The following TTN variants were observed in gnomAD, a reference collection of about 807,000 sequenced individuals.
TTN encodes connectin.
A neutral mutation model predicts 3,223.0 loss-of-function variants in TTN; 1,525 were observed. The ratio of observed to expected loss-of-function variants is 0.47; its 90% CI spans 0.45 to 0.49. TTN has a LOEUF of 0.49. TTN is among the 20% of genes least tolerant of loss of function. The probability of loss-of-function intolerance (pLI) is 0.00; values close to 1 mark genes in which losing one functional copy is unlikely to be tolerated. For synonymous variants in TTN, 14,094 were observed against 15,161.0 expected, an observed-to-expected ratio of 0.93 and a Z score of 5.17; for missense variants, 40,786 against 43,424.0, an observed-to-expected ratio of 0.94 and a Z score of 5.40.
Position 178,588,122 on chromosome 2 carries a change from C to T in TTN, c.63285G>A (p.Pro21095=), listed in dbSNP as rs760168563. Residue 21095 remains proline, a synonymous_variant, in exon 305 of 363, where the codon CCG becomes CCA. Coordinates refer to ENST00000589042, the MANE Select transcript of TTN (RefSeq NM_001267550.2). ...WGKPVYDGGA[P]IIGYVVEMRP... is the part of the protein sequence containing the mutation. ...TCATTTCCACAACATATCCAATGAT[C>T]GGTGCACCACCATCATAGACTGGTT... The T allele has an allele frequency of 1.1e-5, 17 of 1,612,634 alleles. No individual in the cohort carries two copies. Among genetic ancestry groups the T allele is most frequent in the Middle Eastern group, 1.6e-4 (1 of 6,070 alleles).
chr2:178,599,661 C>T lies in TTN; in HGVS notation c.56240G>A (p.Cys18747Tyr), dbSNP rs2052747446. The change falls in exon 289 of 363, where the codon TGC (cysteine) becomes TAC (tyrosine). Residue 18747 changes from cysteine to tyrosine, a missense_variant. Coordinates refer to ENST00000589042, the MANE Select transcript of TTN (RefSeq NM_001267550.2). ...GCGAGACTGCGGAATAACTAAAGTGCAAGTATCATCTACCACCAGTTTGTT... is the reference window on the plus strand; with the variant it reads ...GCGAGACTGCGGAATAACTAAAGTGTAAGTATCATCTACCACCAGTTTGTT... The part of the protein sequence containing the change: ...HVNKLVVDDT[C>Y]TLVIPQSRRS... The T allele has an allele frequency of 1.6e-5, 26 of 1,612,946 alleles. No homozygotes were observed. The highest frequency in any genetic ancestry group is 2.2e-5 in the Non-Finnish European group (26 of 1,179,340).
At chr2:178,749,501 A>C in intron 47 of TTN, 2 of 1,612,860 alleles carry the variant, frequency 1.2e-6, no homozygotes, top group Non-Finnish European at 1.7e-6. Context: ...ATATTCTTTT[A>C]CATTTGTCCA....
chr2:178,765,545 T>C (rs532762382), intron 41 of TTN, among the ~76,000 whole-genome samples: 1 of 152,190 alleles, frequency 6.6e-6, no homozygotes, highest in Non-Finnish European at 1.5e-5. Context: ...AATACAGAGA[T>C]AATAAGAACT....
rs1296710770 is a variant in TTN, at chr2:178,580,061, G to A, written c.67226C>T (p.Ser22409Phe). The change falls in exon 318 of 363, where the codon TCC becomes TTC. Residue 22409 changes from serine to phenylalanine, a missense_variant. By Grantham distance (155) the Ser-to-Phe change is radical. Transcript: ENST00000589042. ...KSWSTVTTEC[S>F]KTSFRVANLE... ...ATTAGCTACTCTGAAGCTTGTTTTG[G>A]AGCACTCAGTTGTCACTGTAGACCA... is the stretch of plus-strand genomic sequence containing the variant. The A allele has an allele frequency of 3.1e-6, 5 of 1,613,254 alleles. No homozygotes were observed.
chr2:178,782,693 C>T, intron 18 of TTN, 91 bp from the exon 19 acceptor site: 2 of 1,604,102 alleles, frequency 1.2e-6, no homozygotes, highest in East Asian at 2.2e-5. Flanking sequence ...AATCTCCCCC[C>T]AAGTTCCAAA....
rs2082274843 is a variant in TTN at position 178,740,339 on chromosome 2, T to C, written c.12894A>G (p.Thr4298=). The C allele has an allele frequency of 6.2e-7, 1 of 1,613,636 alleles. No individual in the cohort carries two copies. The highest frequency in any genetic ancestry group is 1.7e-5 in the Admixed American group (1 of 59,974). Residue 4298 remains threonine, a synonymous_variant, in exon 48 of 363, where the codon ACA becomes ACG. Transcript: ENST00000589042. ...TTTCTATCAAAATTTTACCTCCTTC[T>C]GTGCATGAGTGTTCTGAAGGGACTA... The part of the protein sequence containing the change: ...EPLVPSEHSC[T]EGGKILIESA...
rs987893783 is a variant in TTN, at chr2:178,591,023, T to G, written c.60702A>C (p.Pro20234=). ...SGSSKTKLKI[P]HLQKGCEYVF... ...CATATTCACAGCCCTTCTGCAGATG[T>G]GGGATTTTCAGCTTTGTCTTACTGC... The change falls in exon 304 of 363, where the codon CCA becomes CCC. Residue 20234 remains proline (P), a synonymous_variant. Transcript: ENST00000589042. 3.7e-6 allele frequency: 6 copies of G among 1,613,498 alleles called. No homozygotes were observed. The highest frequency in any genetic ancestry group is 5.1e-6 in the Non-Finnish European group (6 of 1,179,570).
chr2:178,671,202 G>T, intron 155 of TTN, 32 bp from the exon 156 acceptor site: 1 of 1,527,444 alleles, frequency 6.5e-7, no homozygotes, highest in Non-Finnish European at 8.8e-7. Flanking sequence ...GGTTTAGAAT[G>T]AACTCTTGAA....
chr2:178,782,939 G>A lies in TTN; in HGVS notation c.2967C>T (p.Phe989=). 6.2e-7 allele frequency: 1 copy of A among 1,614,164 alleles called. No homozygotes were observed. The highest frequency in any genetic ancestry group is 1.1e-5 in the South Asian group (1 of 91,076). The change falls in exon 18 of 363, where the codon TTC becomes TTT. Residue 989 remains phenylalanine, a synonymous_variant. Coordinates refer to ENST00000589042, the MANE Select transcript of TTN (RefSeq NM_001267550.2). ...EDYQIESSID[F]QITFQSGIAR... ...CAATTCCACTCTGGAAGGTTATCTG[G>A]AAGTCAATGGAACTTTCGATTTGGT...
chr2:178,583,589 T>C lies in TTN; in HGVS notation c.65575+18A>G, dbSNP rs1296782954. The C allele has an allele frequency of 1.3e-6, 2 of 1,568,682 alleles. No homozygotes were observed. Among genetic ancestry groups the C allele is most frequent in the Middle Eastern group, 1.9e-4 (1 of 5,286 alleles). On this transcript the variant is annotated intron_variant, in intron 312 of 362. Transcript: ENST00000589042. ...AATGCTGTTACATCTTTGCCTATAA[T>C]ACTCAGCAGAATCTTACCATTTTCT... is the stretch of plus-strand genomic sequence containing the variant.
At position 178,739,511 on chromosome 2, in the gene TTN, CTCT is replaced by C. The variant is rs1363650125; in HGVS notation, c.13719_13721del (p.Glu4575del). ...TTTCAGAGGAAGACTCCTCTTTTTC[CTCT>C]GATGGTTTCAGACTCTCATCTTGTT... is the stretch of plus-strand genomic sequence containing the variant. On this transcript the variant is annotated inframe_deletion, in exon 48 of 363. Coordinates refer to ENST00000589042, the MANE Select transcript of TTN (RefSeq NM_001267550.2). 5 of 1,613,770 alleles carry C rather than the reference CTCT, an allele frequency of 3.1e-6. No individual in the cohort carries two copies. Among genetic ancestry groups the C allele is most frequent in the South Asian group, 1.1e-5 (1 of 91,072 alleles).
chr2:178,572,386 C>A lies in TTN; in HGVS notation c.73746G>T (p.Gln24582His). 1 of 1,613,110 alleles carries A rather than the reference C, an allele frequency of 6.2e-7. No homozygotes were observed. ...AATAGTAGCTACAGCCTTCTTGAAGCTGGTCTACCTTCCAGGAAGTCTTGT... is the reference window on the plus strand; with the variant it reads ...AATAGTAGCTACAGCCTTCTTGAAGATGGTCTACCTTCCAGGAAGTCTTGT... ...NCHKTSWKVD[Q>H]LQEGCSYYFR... is the part of the protein sequence containing the mutation. Residue 24582 changes from glutamine to histidine, a missense_variant, in exon 326 of 363, where the codon CAG becomes CAT. Coordinates refer to ENST00000589042, the MANE Select transcript of TTN (RefSeq NM_001267550.2).
chr2:178,797,214 C>A (rs953422472), intron 6 of TTN, among the ~76,000 whole-genome samples: 1 of 152,060 alleles, frequency 6.6e-6, no homozygotes, highest in Non-Finnish European at 1.5e-5. Flanking sequence ...TCATGGTGTG[C>A]AAACTTGGAT....
At position 178,570,824 on chromosome 2, in the gene TTN, C is replaced by T. The variant is rs758786845; in HGVS notation, c.75308G>A (p.Arg25103Lys). The T allele has an allele frequency of 1.9e-6, 3 of 1,613,446 alleles. No individual in the cohort carries two copies. Reference protein sequence around the residue: ...PSESTGAITARDEVDPPRISM... With the variant: ...PSESTGAITAKDEVDPPRISM... ...TATTCGTGGTGGATCTACCTCATCT[C>T]TAGCTGTTATTGCTCCTGTGCTTTC... The change falls in exon 326 of 363, where the codon AGA (arginine) becomes AAA (lysine). Residue 25103 changes from arginine (R) to lysine (K), a missense_variant. By Grantham distance (26) the Arg-to-Lys change is conservative. Transcript: ENST00000589042.
chr2:178,714,206 T>G (rs373991527), intron 91 of TTN, 31 bp from the exon 92 acceptor site: 1 of 1,593,058 alleles, frequency 6.3e-7, no homozygotes, highest in Non-Finnish European at 8.5e-7. Context: ...TATCCATATT[T>G]TAAACTCAAA....
chr2:178,610,420 A>C lies in TTN; in HGVS notation c.51137-31T>G, dbSNP rs2056036568. The C allele has an allele frequency of 1.9e-6, 3 of 1,597,348 alleles. No individual in the cohort carries two copies. The South Asian group carries it at 3.4e-5, about 18-fold the overall frequency. On this transcript the variant is annotated intron_variant, in intron 270 of 362. Transcript: ENST00000589042. The stretch of plus-strand genomic sequence containing the variant: ...ACAAAAATGGATAATTATTCTAGTA[A>C]TCCTGAAAAATCAGCATTTTAATAA...
In TTN at chr2:178,566,792, C is replaced by T; in HGVS notation, c.79340G>A (p.Arg26447Lys). ...NKRRITDLRLRVTGLTEDHEY... is the reference protein window; with the variant it reads ...NKRRITDLRLKVTGLTEDHEY... ...ATGATCTTCTGTTAATCCTGTCACT[C>T]TTAGACGCAAATCTGTAATGCGGCG... Residue 26447 changes from arginine (R) to lysine (K), a missense_variant, in exon 326 of 363, where the codon AGA (arginine) becomes AAA (lysine). By Grantham distance (26) the Arg-to-Lys change is conservative (BLOSUM62 2). Transcript: ENST00000589042. 3 of 1,613,372 alleles carry T rather than the reference C, an allele frequency of 1.9e-6. No homozygotes were observed. The highest frequency in any genetic ancestry group is 1.7e-6 in the Non-Finnish European group (2 of 1,179,694).
chr2:178,785,887 G>C lies in TTN; in HGVS notation c.2331C>G (p.Ile777Met), dbSNP rs1157627413. 1.9e-6 allele frequency: 3 copies of C among 1,613,976 alleles called. No individual in the cohort carries two copies. In the Admixed American group the frequency reaches 5.0e-5, roughly 27 times the overall value. ...RVIQAPSETH[I>M]KTTDQKGMHI... Reference sequence around the variant, plus strand: ...GCATTCCCTTTTGATCAGTAGTTTTGATATGAGTCTCAGAAGGAGCCTGGA... The same window carrying C: ...GCATTCCCTTTTGATCAGTAGTTTTCATATGAGTCTCAGAAGGAGCCTGGA... The change falls in exon 14 of 363, where the codon ATC becomes ATG. Residue 777 changes from isoleucine (I) to methionine (M), a missense_variant. Coordinates refer to ENST00000589042, the MANE Select transcript of TTN (RefSeq NM_001267550.2).
At position 178,554,712 on chromosome 2, in the gene TTN, A is replaced by G. The variant is rs2154153170; in HGVS notation, c.88635T>C (p.Thr29545=). 6.2e-7 allele frequency: 1 copy of G among 1,613,914 alleles called. No individual in the cohort carries two copies. Among genetic ancestry groups the G allele is most frequent in the Non-Finnish European group, 8.5e-7 (1 of 1,179,842 alleles). The change falls in exon 332 of 363, where the codon ACT becomes ACC. Residue 29545 remains threonine, a synonymous_variant. Coordinates refer to ENST00000589042, the MANE Select transcript of TTN (RefSeq NM_001267550.2). ...GAAGGGTGATCTTCTCAGCAGTTAC[A>G]GTCTTAAATTCAATTGGTCCACCAG... is the stretch of plus-strand genomic sequence containing the variant. The part of the protein sequence containing the change: ...GPPGGPIEFK[T]VTAEKITLLW...
Sources: gnomAD v4.1 joint callset for allele counts (sites outside exome capture counted in the v4.1 genomes callset) on GRCh38, gnomAD v4.1.1 for gene constraint, MANE v1.5 for transcripts, NCBI Gene and HGNC (gene_info 2026-07-23, HGNC 2026-07-21) for gene names.